NEK11: variants seen among roughly 807,000 people sequenced by gnomAD.
The protein encoded by NEK11 is serine/threonine-protein kinase Nek11.
A neutral mutation model predicts 80.7 loss-of-function variants in NEK11; 72 were observed. The observed-to-expected ratio is 0.89, with a 90% CI of 0.74 to 1.08. The LOEUF (loss-of-function observed/expected upper bound fraction) is 1.08, where lower values mean the gene tolerates loss of function less well. Among genes scored for constraint, NEK11 ranks in the 50% least tolerant of loss-of-function variants. NEK11 has a pLI of 0.00. For missense variants in NEK11, 764 were observed against 763.6 expected, an observed-to-expected ratio of 1.00 and a Z score of -0.01; for synonymous variants, 251 against 260.7, an observed-to-expected ratio of 0.96 and a Z score of 0.36.
intron 17 of NEK11, among the ~76,000 whole-genome samples, chr3:131,348,516 A>C (rs1582604691): frequency 6.6e-6 from 1 of 151,990 alleles, no homozygotes; most frequent in South Asian, 2.1e-4. Flanking sequence ...TGCAGGCCCC[A>C]CATAAAGACA....
At position 131,297,011 on chromosome 3, in the gene NEK11, A is replaced by C. The variant is rs1581563037; in HGVS notation, c.1718+23437A>C. On this transcript the variant is annotated intron_variant, in intron 17 of 17. Transcript: ENST00000383366. The stretch of plus-strand genomic sequence containing the variant: ...TGAACTCATCATTTTTTATGGCTGC[A>C]TAGTATTCCATGGTGTATATGTGCC... Among the ~76,000 whole-genome samples the C allele has an allele frequency of 2.0e-5, 3 of 152,202 alleles. No individual in the cohort carries two copies. The South Asian group carries it at 6.2e-4, about 31-fold the overall frequency.
At chr3:131,044,347 G>GATGGATTGC (rs1010741571) in intron 3 of NEK11, among the ~76,000 whole-genome samples, 8 of 135,222 alleles carry the variant, frequency 5.9e-5, no homozygotes, top group Non-Finnish European at 9.2e-5. Flanking sequence ...GTATTCAGGA[G>GATGGATTGC]ACCCATCTCA....
intron 5 of NEK11, among the ~76,000 whole-genome samples, chr3:131,114,548 G>A (rs1219903395): frequency 6.6e-6 from 1 of 152,148 alleles, no homozygotes; most frequent in Non-Finnish European, 1.5e-5. Context: ...GGAGGGAAAA[G>A]CAAGAGAGTG....
intron 3 of NEK11, among the ~76,000 whole-genome samples, chr3:131,038,090 G>A (rs1416889136): frequency 2.0e-5 from 3 of 151,814 alleles, no homozygotes; most frequent in Non-Finnish European, 4.4e-5. Context: ...AAATCTTCCT[G>A]CTTATCTTTT....
intron 15 of NEK11, among the ~76,000 whole-genome samples, chr3:131,243,023 T>C (rs955326911): frequency 6.6e-6 from 1 of 152,166 alleles, no homozygotes; most frequent in Non-Finnish European, 1.5e-5. Context: ...ATGCATTAGA[T>C]TTCTGCTGTA....
chr3:131,157,153 G>T (rs1057265419), intron 10 of NEK11, among the ~76,000 whole-genome samples: 1 of 152,172 alleles, frequency 6.6e-6, no homozygotes, highest in African/African-American at 2.4e-5. Context: ...ACAGAGTCCA[G>T]CAGGGCCAGG....
chr3:131,058,034 A>G (rs2069956225), intron 3 of NEK11, among the ~76,000 whole-genome samples: 2 of 151,736 alleles, frequency 1.3e-5, no homozygotes, highest in Non-Finnish European at 3.0e-5. Flanking sequence ...CTAACATTTA[A>G]GTCTTTAATC....
At chr3:131,317,161 A>G (rs535545498) in intron 17 of NEK11, among the ~76,000 whole-genome samples, 1 of 152,346 alleles carries the variant, frequency 6.6e-6, no homozygotes, top group South Asian at 2.1e-4. Flanking sequence ...TCAGGACTGA[A>G]GCTAAGGCAA....
At chr3:131,211,439 A>G (rs1032089510) in intron 14 of NEK11, among the ~76,000 whole-genome samples, 1 of 151,924 alleles carries the variant, frequency 6.6e-6, no homozygotes, top group Admixed American at 6.6e-5. Context: ...TCTGACAATT[A>G]TGTGTCTTGG....
chr3:131,338,364 A>T (rs1417106601), intron 17 of NEK11, among the ~76,000 whole-genome samples: 1 of 150,680 alleles, frequency 6.6e-6, no homozygotes, highest in Non-Finnish European at 1.5e-5. Flanking sequence ...AAAATGGAAC[A>T]TCTGCTTTGG....
At chr3:131,242,795 T>C (rs2108099141) in intron 15 of NEK11, among the ~76,000 whole-genome samples, 1 of 152,268 alleles carries the variant, frequency 6.6e-6, no homozygotes, top group East Asian at 1.9e-4. Context: ...AGGATGCTGT[T>C]TTGGATTATT....
chr3:131,153,779 G>A (rs1360186467), intron 9 of NEK11, among the ~76,000 whole-genome samples: 1 of 152,166 alleles, frequency 6.6e-6, no homozygotes, highest in African/African-American at 2.4e-5. Flanking sequence ...AAGCTTGACT[G>A]CTAGTGAGAG....
chr3:131,264,842 A>G (rs1211383404), intron 16 of NEK11, among the ~76,000 whole-genome samples: 1 of 152,188 alleles, frequency 6.6e-6, no homozygotes, highest in South Asian at 2.1e-4. Context: ...CTTCCTATCC[A>G]TGAGCATGGA....
chr3:131,064,384 G>T (rs1005473900), intron 3 of NEK11, among the ~76,000 whole-genome samples: 1 of 152,148 alleles, frequency 6.6e-6, no homozygotes. Flanking sequence ...CCACCTCCTT[G>T]CTCTGTTTTC....
intron 17 of NEK11, among the ~76,000 whole-genome samples, chr3:131,317,831 A>AGGGGGAGGGGGGAGGGGG (rs1209789551): frequency 8.9e-6 from 1 of 112,304 alleles, no homozygotes; most frequent in Non-Finnish European, 1.9e-5. Flanking sequence ...AGGGGAGGGG[A>AGGGGGAGGGGGGAGGGGG]GGGAACGAGA....
intron 3 of NEK11, among the ~76,000 whole-genome samples, chr3:131,075,579 A>T (rs1387169343): frequency 6.6e-6 from 1 of 152,216 alleles, no homozygotes; most frequent in African/African-American, 2.4e-5. Context: ...AGATGAAATA[A>T]CTTTAAAACA....
intron 4 of NEK11, among the ~76,000 whole-genome samples, chr3:131,107,608 C>T (rs1056449632): frequency 1.3e-5 from 2 of 152,224 alleles, no homozygotes; most frequent in South Asian, 4.1e-4. Context: ...TCAAGTCCTG[C>T]AGTTGGCCCT....
chr3:131,043,533 A>G (rs1158843920), intron 3 of NEK11, among the ~76,000 whole-genome samples: 2 of 152,256 alleles, frequency 1.3e-5, no homozygotes, highest in African/African-American at 4.8e-5. Flanking sequence ...GATCAACTTA[A>G]TGAAATCAAG....
intron 17 of NEK11, among the ~76,000 whole-genome samples, chr3:131,321,695 C>T (rs932921316): frequency 1.3e-5 from 2 of 151,946 alleles, no homozygotes; most frequent in Non-Finnish European, 2.9e-5. Context: ...GACATGGACA[C>T]CTCTGAAAAG....
Sources: gnomAD v4.1 joint callset for allele counts (sites outside exome capture counted in the v4.1 genomes callset) on GRCh38, gnomAD v4.1.1 for gene constraint, MANE v1.5 for transcripts, NCBI Gene and HGNC (gene_info 2026-07-23, HGNC 2026-07-21) for gene names.